ARHGEF3: variants seen among roughly 807,000 people sequenced by gnomAD.
ARHGEF3 encodes Rho guanine nucleotide exchange factor 3.
ARHGEF3 carries 28 observed loss-of-function variants against 63.2 expected under a neutral mutation model. The ratio of observed to expected loss-of-function variants is 0.44; its 90% CI spans 0.33 to 0.61. The LOEUF (loss-of-function observed/expected upper bound fraction) is 0.61, where lower values mean the gene tolerates loss of function less well. Ranked by LOEUF, ARHGEF3 falls within the 20% of genes least tolerant of loss-of-function variation. ARHGEF3 has a pLI of 0.03. For synonymous variants in ARHGEF3, 266 were observed against 254.2 expected, an observed-to-expected ratio of 1.05 and a Z score of -0.44; for missense variants, 533 against 659.3, an observed-to-expected ratio of 0.81 and a Z score of 2.10.
At chr3:56,892,683 T>A (rs1205652400) in intron 3 of ARHGEF3, among the ~76,000 whole-genome samples, 1 of 152,244 alleles carries the variant, frequency 6.6e-6, no homozygotes, top group African/African-American at 2.4e-5. Context: ...TCCAACTGCA[T>A]AATTCAAATT....
chr3:56,799,385 T>G (rs1385344959), intron 1 of ARHGEF3, among the ~76,000 whole-genome samples: 1 of 152,234 alleles, frequency 6.6e-6, no homozygotes, highest in Non-Finnish European at 1.5e-5. Context: ...AGGGCACAGG[T>G]GCTCTGTTGC....
At chr3:56,742,443 A>T (rs2034097910) in intron 7 of ARHGEF3, among the ~76,000 whole-genome samples, 1 of 152,222 alleles carries the variant, frequency 6.6e-6, no homozygotes, top group Non-Finnish European at 1.5e-5. Flanking sequence ...AGATCTAATC[A>T]TAGGTATGAA....
intron 3 of ARHGEF3, among the ~76,000 whole-genome samples, chr3:56,887,282 G>C (rs1291441870): frequency 6.6e-6 from 1 of 152,184 alleles, no homozygotes; most frequent in Non-Finnish European, 1.5e-5. Context: ...GCTGGGGAAC[G>C]AATTGGGGCA....
chr3:57,042,973 A>G (rs1035190420), intron 1 of ARHGEF3, among the ~76,000 whole-genome samples: 2 of 151,716 alleles, frequency 1.3e-5, no homozygotes, highest in African/African-American at 4.8e-5. Context: ...CTGGGATTAC[A>G]GGCATGAGCC....
intron 4 of ARHGEF3, among the ~76,000 whole-genome samples, chr3:56,844,971 A>G (rs2039437939): frequency 1.3e-5 from 2 of 152,210 alleles, no homozygotes; most frequent in African/African-American, 2.4e-5. Flanking sequence ...TTATGTACTC[A>G]TATTTTGAGG....
chr3:56,742,145 C>A (rs888269631), intron 7 of ARHGEF3, among the ~76,000 whole-genome samples: 6 of 152,034 alleles, frequency 3.9e-5, no homozygotes, highest in South Asian at 2.1e-4. Context: ...GCATCAAAAG[C>A]AGGACTGTTT....
chr3:56,768,256 G>A (rs1054544600), intron 2 of ARHGEF3, among the ~76,000 whole-genome samples: 7 of 150,912 alleles, frequency 4.6e-5, no homozygotes, highest in Middle Eastern at 3.5e-3. Context: ...ACAGGGTTTC[G>A]CCATGTTGGC....
intron 2 of ARHGEF3, among the ~76,000 whole-genome samples, chr3:57,004,575 T>C (rs1180574393): frequency 2.6e-5 from 4 of 152,208 alleles, no homozygotes; most frequent in Non-Finnish European, 5.9e-5. Flanking sequence ...CCCTTTCAAG[T>C]AAACTGGCCC....
intron 4 of ARHGEF3, among the ~76,000 whole-genome samples, chr3:56,833,024 A>T (rs1041065555): frequency 6.6e-6 from 1 of 152,146 alleles, no homozygotes. Flanking sequence ...TCCATTCCTC[A>T]ATTGATGGAA....
At chr3:56,815,460 G>A (rs2038234037) in intron 4 of ARHGEF3, among the ~76,000 whole-genome samples, 1 of 152,138 alleles carries the variant, frequency 6.6e-6, no homozygotes, top group African/African-American at 2.4e-5. Flanking sequence ...CCACATTTTG[G>A]GTTGGTTCAG....
chr3:56,759,037 C>G (rs889357685), intron 2 of ARHGEF3, among the ~76,000 whole-genome samples: 2 of 152,210 alleles, frequency 1.3e-5, no homozygotes, highest in Admixed American at 1.3e-4. Flanking sequence ...AATTCTCATA[C>G]ATTACAAAAG....
rs2035639727 is a variant in ARHGEF3, at chr3:56,765,233, GT to G, written c.204+8475del. Among the ~76,000 whole-genome samples the G allele has an allele frequency of 2.6e-5, 4 of 152,268 alleles. No individual in the cohort carries two copies. In the South Asian group the frequency reaches 8.3e-4, roughly 32 times the overall value. On this transcript the variant is annotated intron_variant, in intron 2 of 9. Transcript: ENST00000296315. ...GCCTTATTTTGTTGTTGTTCTGTTT[GT>G]TTTGTTTTAGGCTTTTAGCAGCCTG...
intron 4 of ARHGEF3, among the ~76,000 whole-genome samples, chr3:56,852,850 A>G (rs1200650338): frequency 5.9e-5 from 9 of 152,148 alleles, no homozygotes; most frequent in African/African-American, 2.2e-4. Context: ...TATCCTCTCA[A>G]CCATTTCCTT....
chr3:56,845,426 C>T (rs142017838), intron 4 of ARHGEF3, among the ~76,000 whole-genome samples: 9 of 152,274 alleles, frequency 5.9e-5, no homozygotes, highest in African/African-American at 1.9e-4. Context: ...CCTGGTCTCA[C>T]CAGCAATGAG....
chr3:56,987,178 C>T (rs1272447968), intron 2 of ARHGEF3, among the ~76,000 whole-genome samples: 1 of 152,226 alleles, frequency 6.6e-6, no homozygotes, highest in African/African-American at 2.4e-5. Flanking sequence ...TCCCACTATA[C>T]TCCAGCCTGG....
At chr3:56,815,086 G>A (rs895986439) in intron 4 of ARHGEF3, among the ~76,000 whole-genome samples, 1 of 151,868 alleles carries the variant, frequency 6.6e-6, no homozygotes, top group African/African-American at 2.4e-5. Context: ...TGAGGCTGCA[G>A]TGAGCTATGA....
chr3:56,906,152 C>T (rs1022624406), intron 3 of ARHGEF3, among the ~76,000 whole-genome samples: 5 of 151,700 alleles, frequency 3.3e-5, no homozygotes, highest in Admixed American at 6.6e-5. Context: ...TGTGAGCAAC[C>T]GCGCCCAGTC....
intron 6 of ARHGEF3, among the ~76,000 whole-genome samples, chr3:56,745,923 G>A (rs566671670): frequency 2.2e-3 from 331 of 152,256 alleles, no homozygotes; most frequent in Non-Finnish European, 3.8e-3. Flanking sequence ...CGCCCGCCTC[G>A]GCCTCCCAAA....
At chr3:56,801,361 A>G (rs2037639569) in intron 1 of ARHGEF3, among the ~76,000 whole-genome samples, 1 of 152,252 alleles carries the variant, frequency 6.6e-6, no homozygotes, top group Admixed American at 6.5e-5. Context: ...AGTAGGAGAA[A>G]GTCCCTCTGA....
Sources: allele counts gnomAD v4.1 joint callset (sites outside exome capture counted in the v4.1 genomes callset), GRCh38; gene constraint gnomAD v4.1.1; transcripts MANE v1.5; gene names NCBI Gene and HGNC (gene_info 2026-07-23, HGNC 2026-07-21).